Variants in DROSHA observed in about 807,000 individuals in gnomAD.
DROSHA encodes drosha ribonuclease III.
DROSHA carries 56 observed loss-of-function variants against 181.9 expected under a neutral mutation model. That is an observed-to-expected ratio of 0.31 (90% CI 0.25 to 0.38). The LOEUF is 0.38. Among genes scored for constraint, DROSHA ranks in the 10% least tolerant of loss-of-function variants. The pLI, the probability that DROSHA is intolerant of heterozygous loss-of-function variation, is 1.00. For missense variants in DROSHA, 1,218 were observed against 1,743.5 expected, an observed-to-expected ratio of 0.70 and a Z score of 5.37; for synonymous variants, 524 against 591.2, an observed-to-expected ratio of 0.89 and a Z score of 1.65.
intron 23 of DROSHA, among the ~76,000 whole-genome samples, chr5:31,443,523 C>T (rs1290043414): frequency 6.6e-6 from 1 of 152,138 alleles, no homozygotes; most frequent in Non-Finnish European, 1.5e-5. Context: ...CAGTTCATCA[C>T]AATTTGCATG....
At position 31,451,643 on chromosome 5, in the gene DROSHA, A is replaced by G. The variant is rs1368345285; in HGVS notation, c.2575-3T>C. On this transcript the variant is annotated splice_region_variant and splice_polypyrimidine_tract_variant and intron_variant, in intron 20 of 35. Coordinates refer to ENST00000344624, the MANE Select transcript of DROSHA (RefSeq NM_001382508.1). ...AGAACAGGTAGCATCATTGCATGCT[A>G]GGAAAAAAAAAATTCAATATGTTTA... 1 of 1,596,636 alleles carries G rather than the reference A, an allele frequency of 6.3e-7. No homozygotes were observed. The highest frequency in any genetic ancestry group is 8.5e-7 in the Non-Finnish European group (1 of 1,170,342).
At chr5:31,493,807 T>C (rs922706457) in intron 12 of DROSHA, among the ~76,000 whole-genome samples, 2 of 152,118 alleles carry the variant, frequency 1.3e-5, no homozygotes, top group Non-Finnish European at 2.9e-5. Context: ...AACCAAACAC[T>C]GCAACAAATC....
intron 6 of DROSHA, among the ~76,000 whole-genome samples, chr5:31,516,371 A>C (rs1739272749): frequency 6.6e-6 from 1 of 152,212 alleles, no homozygotes; most frequent in Non-Finnish European, 1.5e-5. Context: ...TTGTAAGATC[A>C]CCTGGTAGCC....
chr5:31,424,318 C>T, intron 28 of DROSHA, 109 bp downstream of exon 28: 1 of 1,377,034 alleles, frequency 7.3e-7, no homozygotes, highest in Non-Finnish European at 1.0e-6. Context: ...GGCACAATGC[C>T]ACCGAAGAGA....
At chr5:31,429,666 G>A (rs892399022) in intron 26 of DROSHA, 121 bp from the exon 27 acceptor site, 6 of 691,316 alleles carry the variant, frequency 8.7e-6, no homozygotes, top group East Asian at 2.8e-5. Flanking sequence ...AAATCAACAT[G>A]TTCAGAAGCA....
intron 23 of DROSHA, among the ~76,000 whole-genome samples, chr5:31,438,230 G>A (rs1379544477): frequency 2.0e-5 from 3 of 152,196 alleles, no homozygotes; most frequent in African/African-American, 7.2e-5. Flanking sequence ...CGTTGGTTGA[G>A]CACAGACATG....
chr5:31,405,591 CT>C, intron 35 of DROSHA, 85 bp downstream of exon 35: 1 of 1,191,520 alleles, frequency 8.4e-7, no homozygotes, highest in Non-Finnish European at 1.2e-6. Context: ...TTTATCAATA[CT>C]TACCATTTTT....
At chr5:31,410,690 T>C in intron 31 of DROSHA, 56 bp downstream of exon 31, 1 of 1,561,402 alleles carries the variant, frequency 6.4e-7, no homozygotes, top group East Asian at 2.3e-5. Flanking sequence ...ACAAATACGG[T>C]TACTTGGACT....
intron 5 of DROSHA, among the ~76,000 whole-genome samples, chr5:31,521,552 A>C (rs1739901021): frequency 6.6e-6 from 1 of 152,222 alleles, no homozygotes; most frequent in Non-Finnish European, 1.5e-5. Flanking sequence ...AACTCTAAAG[A>C]ACTCCACATC....
intron 30 of DROSHA, among the ~76,000 whole-genome samples, chr5:31,412,435 T>C (rs1030096335): frequency 6.6e-6 from 1 of 152,212 alleles, no homozygotes; most frequent in Non-Finnish European, 1.5e-5. Context: ...CTTTCTTTAT[T>C]AGATGCAAGT....
At position 31,437,358 on chromosome 5, in the gene DROSHA, C is replaced by T. The variant is rs1580089391; in HGVS notation, c.2883-60G>A. 21 of 1,181,554 alleles carry T rather than the reference C, an allele frequency of 1.8e-5. 1 individual carries two copies. The Middle Eastern group carries it at 2.1e-3, about 119-fold the overall frequency. The allele number at this position is 1,181,554 out of a possible 1,614,324, so 73.2% of individuals were successfully genotyped here. A position where few individuals can be genotyped will look rare whatever the true frequency, so the allele number is the denominator to read the frequency against. On this transcript the variant is annotated intron_variant, in intron 23 of 35. Coordinates refer to ENST00000344624, the MANE Select transcript of DROSHA (RefSeq NM_001382508.1). ...CATATTAACACTCCCCCCCACCCAC[C>T]CACCCCCGCAAGAAAAGAACACATG...
At chr5:31,510,501 CA>C (rs1386884790) in intron 9 of DROSHA, among the ~76,000 whole-genome samples, 1 of 152,218 alleles carries the variant, frequency 6.6e-6, no homozygotes, top group Non-Finnish European at 1.5e-5. Flanking sequence ...GCTAAGGATA[CA>C]AAGTGATAAA....
chr5:31,500,501 G>A (rs1010886968), intron 11 of DROSHA, among the ~76,000 whole-genome samples: 12 of 152,362 alleles, frequency 7.9e-5, no homozygotes, highest in Non-Finnish European at 1.0e-4. Context: ...CGGAATTGCC[G>A]TGGTAGACAG....
At chr5:31,424,326 A>G (rs989060015) in intron 28 of DROSHA, 101 bp downstream of exon 28, 5 of 1,431,808 alleles carry the variant, frequency 3.5e-6, no homozygotes, top group African/African-American at 2.9e-5. Flanking sequence ...GCCACCGAAG[A>G]GAATCAAAAG....
At chr5:31,414,665 G>C (rs1271938722) in intron 30 of DROSHA, among the ~76,000 whole-genome samples, 1 of 152,188 alleles carries the variant, frequency 6.6e-6, no homozygotes, top group African/African-American at 2.4e-5. Flanking sequence ...AGAAATGTTA[G>C]CTGTTGCTGT....
intron 5 of DROSHA, among the ~76,000 whole-genome samples, chr5:31,521,454 T>C (rs1302818302): frequency 2.6e-5 from 4 of 152,350 alleles, no homozygotes; most frequent in South Asian, 4.1e-4. Flanking sequence ...AAGTCATACA[T>C]GATGCTACGC....
intron 13 of DROSHA, among the ~76,000 whole-genome samples, chr5:31,487,803 T>C (rs982735794): frequency 7.7e-4 from 117 of 152,348 alleles, no homozygotes; most frequent in African/African-American, 2.7e-3. Context: ...AAATTCATAA[T>C]AGCCATTATC....
chr5:31,511,234 T>A, intron 8 of DROSHA, 58 bp from the exon 9 acceptor site: 1 of 1,498,862 alleles, frequency 6.7e-7, no homozygotes, highest in Non-Finnish European at 9.1e-7. Context: ...ATATCAAAGA[T>A]ATGTAAGATC....
At chr5:31,525,953 T>C (rs1740489206) in intron 5 of DROSHA, 126 bp downstream of exon 5, 2 of 967,944 alleles carry the variant, frequency 2.1e-6, no homozygotes, top group Admixed American at 3.0e-5. Context: ...GAGTCCAAAA[T>C]GTGCTTCCTT....
Sources: allele counts gnomAD v4.1 joint callset (sites outside exome capture counted in the v4.1 genomes callset), GRCh38; gene constraint gnomAD v4.1.1; transcripts MANE v1.5; gene names NCBI Gene and HGNC (gene_info 2026-07-23, HGNC 2026-07-21).